The following ARHGAP44 variants were observed in gnomAD, a reference collection of about 807,000 sequenced individuals.
ARHGAP44 encodes the protein Rho GTPase activating protein 44.
In ARHGAP44, 43 loss-of-function variants were observed where a neutral mutation model predicts 106.8. The observed-to-expected ratio is 0.40, with a 90% CI of 0.32 to 0.52. ARHGAP44 has a LOEUF of 0.52. Ranked by LOEUF, ARHGAP44 falls within the 20% of genes least tolerant of loss-of-function variation. The probability of loss-of-function intolerance (pLI) is 0.48; values close to 1 mark genes in which losing one functional copy is unlikely to be tolerated. For missense variants in ARHGAP44, 866 were observed against 1,050.5 expected (o/e 0.82, Z 2.43); for synonymous variants, 439 against 410.3 (o/e 1.07, Z -0.85).
In ARHGAP44 at chr17:12,821,133, A is replaced by T. The variant is rs1597889609; in HGVS notation, c.53+31242A>T. Among the ~76,000 whole-genome samples the T allele has an allele frequency of 9.2e-5, 14 of 152,338 alleles. 3 individuals are homozygous for T. In the South Asian group the frequency reaches 2.9e-3, roughly 32 times the overall value. ...ACAAACAGCTAAGTCAGAAGAGGTGACATTATAGACTAGCAGAAGGCACTG... is the reference window on the plus strand; with the variant it reads ...ACAAACAGCTAAGTCAGAAGAGGTGTCATTATAGACTAGCAGAAGGCACTG... On this transcript the variant is annotated intron_variant, in intron 1 of 20. Transcript: ENST00000379672.
chr17:12,968,603 G>A (rs2039447315), intron 16 of ARHGAP44, among the ~76,000 whole-genome samples: 1 of 148,548 alleles, frequency 6.7e-6, no homozygotes, highest in Non-Finnish European at 1.5e-5. Context: ...TAGCATTTTA[G>A]CAAGCCCCTA....
In ARHGAP44 at chr17:12,980,045, G is replaced by A; in HGVS notation, c.1764-13G>A. 6.3e-7 allele frequency: 1 copy of A among 1,592,698 alleles called. No individual in the cohort carries two copies. Among genetic ancestry groups the A allele is most frequent in the South Asian group, 1.1e-5 (1 of 89,550 alleles). On this transcript the variant is annotated splice_polypyrimidine_tract_variant and intron_variant, in intron 18 of 20. Transcript: ENST00000379672. ...TCAGGGCTTTTCTTTTGTCTCATGT[G>A]CTTTCGTTTCAGCACAACAAAAAGC...
chr17:12,956,728 G>A lies in ARHGAP44; in HGVS notation c.1324G>A (p.Asp442Asn). ...CATTGAACCTATCATCCAGCATGCAGACTGGTTCTTCCCTGGGGGTAGGTG... is the reference window on the plus strand; with the variant it reads ...CATTGAACCTATCATCCAGCATGCAAACTGGTTCTTCCCTGGGGGTAGGTG... ...GIIEPIIQHADWFFPGEIEFN... is the reference protein window; with the variant it reads ...GIIEPIIQHANWFFPGEIEFN... Residue 442 changes from aspartate to asparagine, a missense_variant, in exon 15 of 21, where the codon GAC becomes AAC. By Grantham distance (23) the Asp-to-Asn change is conservative. This residue lies in a region of ARHGAP44 where 448 missense variants were observed against 646.9 expected (regional missense o/e 0.69). Transcript: ENST00000379672. 6.2e-7 allele frequency: 1 copy of A among 1,614,154 alleles called. No individual in the cohort carries two copies. The highest frequency in any genetic ancestry group is 8.5e-7 in the Non-Finnish European group (1 of 1,180,012).
intron 1 of ARHGAP44, among the ~76,000 whole-genome samples, chr17:12,802,969 A>ATAT (rs1567621473): frequency 7.3e-5 from 3 of 40,850 alleles, no homozygotes; most frequent in Non-Finnish European, 1.3e-4. Context: ...ATATATATAT[A>ATAT]TTTTTTTTTT....
At chr17:12,793,128 T>G (rs2033815087) in intron 1 of ARHGAP44, among the ~76,000 whole-genome samples, 1 of 152,200 alleles carries the variant, frequency 6.6e-6, no homozygotes, top group Non-Finnish European at 1.5e-5. Context: ...CTCTGCACAT[T>G]AATTTTCTTA....
intron 1 of ARHGAP44, among the ~76,000 whole-genome samples, chr17:12,852,379 C>T (rs924020423): frequency 3.5e-5 from 5 of 142,108 alleles, no homozygotes; most frequent in African/African-American, 7.8e-5. Context: ...TCATTTGTGC[C>T]TTTGTTTGGT....
intron 1 of ARHGAP44, among the ~76,000 whole-genome samples, chr17:12,853,871 C>G (rs2035831592): frequency 6.6e-6 from 1 of 152,180 alleles, no homozygotes; most frequent in Non-Finnish European, 1.5e-5. Flanking sequence ...TCCTAGTGGA[C>G]TCTTCATTTA....
chr17:12,847,009 G>C (rs956906202), intron 1 of ARHGAP44, among the ~76,000 whole-genome samples: 1 of 152,202 alleles, frequency 6.6e-6, no homozygotes, highest in African/African-American at 2.4e-5. Context: ...AGACAGCGTC[G>C]TTGAAGTGGC....
chr17:12,872,473 C>T (rs949696302), intron 1 of ARHGAP44, among the ~76,000 whole-genome samples: 13 of 152,150 alleles, frequency 8.5e-5, no homozygotes, highest in Non-Finnish European at 1.8e-4. Flanking sequence ...AGGTAACCTC[C>T]TAAATAATAT....
chr17:12,834,176 G>A (rs1401321566), intron 1 of ARHGAP44, among the ~76,000 whole-genome samples: 9 of 152,124 alleles, frequency 5.9e-5, no homozygotes, highest in Admixed American at 3.9e-4. Flanking sequence ...AGAATTTTAA[G>A]CATTTTAACT....
chr17:12,830,966 C>T (rs2035070228), intron 1 of ARHGAP44, among the ~76,000 whole-genome samples: 3 of 152,200 alleles, frequency 2.0e-5, no homozygotes, highest in Non-Finnish European at 2.9e-5. Context: ...TCTGGGGACA[C>T]GTCCCCTTCT....
chr17:12,989,091 C>T (rs2040033584), intron 20 of ARHGAP44, among the ~76,000 whole-genome samples: 1 of 86,930 alleles, frequency 1.2e-5, no homozygotes, highest in Non-Finnish European at 2.4e-5. Flanking sequence ...GAGCGAAACT[C>T]CACCCCCCCC....
intron 16 of ARHGAP44, among the ~76,000 whole-genome samples, chr17:12,971,899 G>A (rs1432837146): frequency 6.6e-6 from 1 of 152,140 alleles, no homozygotes; most frequent in East Asian, 1.9e-4. Context: ...GTGTGTGCTT[G>A]GTTTCAGCAT....
chr17:12,913,757 C>CGAGG (rs1197321082), intron 4 of ARHGAP44, among the ~76,000 whole-genome samples: 7 of 150,206 alleles, frequency 4.7e-5, no homozygotes, highest in Admixed American at 6.6e-5. Flanking sequence ...TACCTGAGGT[C>CGAGG]CAGAGTTCAA....
chr17:12,810,206 A>G (rs1420692796), intron 1 of ARHGAP44, among the ~76,000 whole-genome samples: 1 of 152,244 alleles, frequency 6.6e-6, no homozygotes, highest in Non-Finnish European at 1.5e-5. Context: ...CAGAGCTGCC[A>G]TAACAAATCA....
intron 1 of ARHGAP44, 154 bp downstream of exon 1, chr17:12,790,045 C>A: frequency 1.6e-6 from 1 of 642,890 alleles, no homozygotes. Context: ...CAGGCGCGAC[C>A]CCTCCTCCCT....
intron 1 of ARHGAP44, among the ~76,000 whole-genome samples, chr17:12,849,282 C>G (rs1275562690): frequency 6.6e-6 from 1 of 151,924 alleles, no homozygotes; most frequent in Non-Finnish European, 1.5e-5. Flanking sequence ...TTTTCAGATT[C>G]TATGAAAAGC....
intron 1 of ARHGAP44, among the ~76,000 whole-genome samples, chr17:12,816,518 T>C (rs1030471768): frequency 1.3e-5 from 2 of 152,230 alleles, no homozygotes; most frequent in Non-Finnish European, 2.9e-5. Flanking sequence ...TCAGATATGA[T>C]TGTTTATGTA....
chr17:12,860,898 G>A (rs1171194497), intron 1 of ARHGAP44, among the ~76,000 whole-genome samples: 1 of 139,336 alleles, frequency 7.2e-6, no homozygotes, highest in Non-Finnish European at 1.5e-5. Context: ...GTCTTGCTCT[G>A]TCACTCTTGG....
Sources: gnomAD v4.1 joint callset for allele counts (sites outside exome capture counted in the v4.1 genomes callset) on GRCh38, gnomAD v4.1.1 for gene constraint, gnomAD v4.1.1 regional missense constraint, MANE v1.5 for transcripts, NCBI Gene and HGNC (gene_info 2026-07-23, HGNC 2026-07-21) for gene names.